Variants in SRA1 observed in about 807,000 individuals in gnomAD.
SRA1 encodes the protein steroid receptor RNA activator 1.
SRA1 carries 25 observed loss-of-function variants against 24.3 expected under a neutral mutation model. That is an observed-to-expected ratio of 1.03 (90% confidence interval 0.75 to 1.43). SRA1 has a LOEUF of 1.43. Ranked by LOEUF, SRA1 falls within the 40% of genes most tolerant of loss-of-function variation. The pLI, the probability that SRA1 is intolerant of heterozygous loss-of-function variation, is 0.00. For synonymous variants in SRA1, 104 were observed against 109.5 expected (o/e 0.95, Z 0.31); for missense variants, 303 against 286.6 (o/e 1.06, Z -0.41).
intron 3 of SRA1, chr5:140,551,484 G>C (rs1244510768): frequency 1.3e-5 from 4 of 296,600 alleles, no homozygotes; most frequent in Non-Finnish European, 2.5e-5. Context: ...GGGCTTCTCA[G>C]ACTCTCAGAA....
intron 2 of SRA1, among the ~76,000 whole-genome samples, chr5:140,554,744 G>C (rs934702347): frequency 6.6e-6 from 1 of 152,164 alleles, no homozygotes; most frequent in Non-Finnish European, 1.5e-5. Flanking sequence ...AGCAGCATTT[G>C]AGTGAGCTCT....
intron 2 of SRA1, among the ~76,000 whole-genome samples, chr5:140,554,948 G>A (rs1581398866): frequency 1.3e-5 from 2 of 151,636 alleles, no homozygotes; most frequent in Middle Eastern, 3.4e-3. Context: ...GTGCGATCTC[G>A]GCTCACTGCA....
Position 140,550,747 on chromosome 5 carries a change from T to C in SRA1, c.628A>G (p.Thr210Ala). Residue 210 changes from threonine to alanine, a missense_variant, in exon 5 of 5, where the codon ACA (threonine) becomes GCA (alanine). Transcript: ENST00000336283. ...GGTATGGTATGGTTCTTCTCAGCTG[T>C]GGCTGCAGATTTCTCTTCATTGGCT... ...EAANEEKSAATAEKNHTIPGF... is the reference protein window; with the variant it reads ...EAANEEKSAAAAEKNHTIPGF... 6.2e-7 allele frequency: 1 copy of C among 1,614,200 alleles called. No individual in the cohort carries two copies. The highest frequency in any genetic ancestry group is 8.5e-7 in the Non-Finnish European group (1 of 1,180,042).
In SRA1 at chr5:140,557,271, G is replaced by A; in HGVS notation, c.27C>T (p.Gly9=). Residue 9 remains glycine (G), a splice_region_variant and synonymous_variant, in exon 2 of 5, where the codon GGC becomes GGT. Transcript: ENST00000336283. MAELYVKP[G]NKERGWNDPP... ...GGTCGTTCCAGCCGCGTTCCTTGTT[G>A]CCTGCGGAGGCGAGGGATGTGTGAA... The A allele has an allele frequency of 1.9e-6, 3 of 1,611,080 alleles. No homozygotes were observed. Among genetic ancestry groups the A allele is most frequent in the Non-Finnish European group, 2.5e-6 (3 of 1,179,938 alleles).
At position 140,557,410 on chromosome 5, in the gene SRA1, C is replaced by T. The variant is rs774601225; in HGVS notation, c.25+18G>A. On this transcript the variant is annotated intron_variant, in intron 1 of 4. Coordinates refer to ENST00000336283, the MANE Select transcript of SRA1 (RefSeq NM_001035235.4). ...CCGGGGCGACAACCTAGTGCCCTAG[C>T]CCGCCGGCTGCGCTCACCCGGCTTC... 1 of 1,584,572 alleles carries T rather than the reference C, an allele frequency of 6.3e-7. No homozygotes were observed. The highest frequency in any genetic ancestry group is 8.6e-7 in the Non-Finnish European group (1 of 1,167,734).
At chr5:140,555,095 T>G (rs1258881082) in intron 2 of SRA1, among the ~76,000 whole-genome samples, 1 of 152,132 alleles carries the variant, frequency 6.6e-6, no homozygotes, top group Non-Finnish European at 1.5e-5. Flanking sequence ...GCCAGGCTGG[T>G]CTTGAACTCC....
At chr5:140,556,232 G>C (rs965315482) in intron 2 of SRA1, among the ~76,000 whole-genome samples, 3 of 152,108 alleles carry the variant, frequency 2.0e-5, no homozygotes, top group Non-Finnish European at 4.4e-5. Context: ...ACAGCAAAAA[G>C]GGTGTGGAGA....
At chr5:140,553,470 A>C (rs1412859458) in intron 2 of SRA1, among the ~76,000 whole-genome samples, 1 of 152,196 alleles carries the variant, frequency 6.6e-6, no homozygotes. Flanking sequence ...AGAAGCAGGA[A>C]AACTTTTGAT....
intron 2 of SRA1, among the ~76,000 whole-genome samples, chr5:140,556,349 C>A (rs1473487636): frequency 6.6e-6 from 1 of 152,102 alleles, no homozygotes; most frequent in Admixed American, 6.5e-5. Context: ...CTCTCCTCTA[C>A]TTTAAACTTT....
At chr5:140,551,243 C>T in intron 3 of SRA1, 74 bp from the exon 4 acceptor site, 1 of 1,152,214 alleles carries the variant, frequency 8.7e-7, no homozygotes, top group South Asian at 1.3e-5. Context: ...GACAGCACCA[C>T]ATAGGAAGCA....
intron 3 of SRA1, chr5:140,551,535 G>A (rs967148168): frequency 1.2e-4 from 26 of 223,224 alleles, no homozygotes; most frequent in African/African-American, 5.2e-4. Context: ...AAAACTAAGC[G>A]CCAAAGAGGT....
chr5:140,557,526 G>T (rs887515385), upstream of SRA1: 10 of 1,501,052 alleles, frequency 6.7e-6, no homozygotes, highest in African/African-American at 1.1e-4. Context: ...GTTGAGACAC[G>T]TCCAGGGCCA....
chr5:140,556,053 G>A (rs751176375), intron 2 of SRA1, among the ~76,000 whole-genome samples: 1 of 152,246 alleles, frequency 6.6e-6, no homozygotes, highest in African/African-American at 2.4e-5. Flanking sequence ...GCAAATGTCT[G>A]GAAACACTTT....
chr5:140,554,854 T>C (rs1754648970), intron 2 of SRA1, among the ~76,000 whole-genome samples: 1 of 152,138 alleles, frequency 6.6e-6, no homozygotes, highest in African/African-American at 2.4e-5. Flanking sequence ...TGATCACGAG[T>C]GACTGCTATG....
chr5:140,557,061 A>T, intron 2 of SRA1, 86 bp downstream of exon 2: 1 of 1,280,738 alleles, frequency 7.8e-7, no homozygotes, highest in Non-Finnish European at 1.1e-6. Flanking sequence ...CCTCGGGGAG[A>T]GAAAAAAGCC....
At chr5:140,556,423 C>T (rs948596206) in intron 2 of SRA1, among the ~76,000 whole-genome samples, 3 of 152,174 alleles carry the variant, frequency 2.0e-5, no homozygotes, top group Non-Finnish European at 4.4e-5. Flanking sequence ...ACAAAGCCCA[C>T]TATGCTGTAG....
rs756274204 is a variant in SRA1 at position 140,550,831 on chromosome 5, A to G, written c.544T>C (p.Trp182Arg). Residue 182 changes from tryptophan to arginine, a missense_variant, in exon 5 of 5, where the codon TGG becomes CGG. Coordinates refer to ENST00000336283, the MANE Select transcript of SRA1 (RefSeq NM_001035235.4). ...MVDHVTEVSQ[W>R]MVGVKRLIAE... Reference sequence around the variant, plus strand: ...ATTAATCTTTTAACTCCTACCATCCACTGACTGACCTCAGTCACATGGTCA... The same window carrying G: ...ATTAATCTTTTAACTCCTACCATCCGCTGACTGACCTCAGTCACATGGTCA... 1 of 1,614,070 alleles carries G rather than the reference A, an allele frequency of 6.2e-7. No individual in the cohort carries two copies. Among genetic ancestry groups the G allele is most frequent in the Non-Finnish European group, 8.5e-7 (1 of 1,179,982 alleles).
rs140505515 is a variant in SRA1 at position 140,552,032 on chromosome 5, C to A, written c.304G>T (p.Val102Leu). Residue 102 changes from valine (V) to leucine (L), a missense_variant, in exon 3 of 5, where the codon GTG becomes TTG. Coordinates refer to ENST00000336283, the MANE Select transcript of SRA1 (RefSeq NM_001035235.4). ...PVESEAVMEDVLRPLEQALED... is the reference protein window; with the variant it reads ...PVESEAVMEDLLRPLEQALED... ...AATGCCTGTTCCAAAGGTCTCAGCA[C>A]ATCCTCCATCACAGCCTCAGACTCG... 22 of 1,586,090 alleles carry A rather than the reference C, an allele frequency of 1.4e-5. No individual in the cohort carries two copies. Among genetic ancestry groups the A allele is most frequent in the Non-Finnish European group, 1.9e-5 (22 of 1,165,080 alleles).
In SRA1 at chr5:140,550,787, C is replaced by G; in HGVS notation, c.588G>C (p.Leu196=). 1 of 1,614,186 alleles carries G rather than the reference C, an allele frequency of 6.2e-7. No homozygotes were observed. Among genetic ancestry groups the G allele is most frequent in the Non-Finnish European group, 8.5e-7 (1 of 1,180,018 alleles). ...VKRLIAEKRS[L]FSEEAANEEK... is the part of the protein sequence containing the mutation. ...CTTCATTGGCTGCCTCCTCTGAAAACAGACTCCTCTTTTCTGCAATTAATC... is the reference window on the plus strand; with the variant it reads ...CTTCATTGGCTGCCTCCTCTGAAAAGAGACTCCTCTTTTCTGCAATTAATC... The change falls in exon 5 of 5, where the codon CTG becomes CTC. Residue 196 remains leucine (L), a synonymous_variant. Transcript: ENST00000336283.
Sources: allele counts gnomAD v4.1 joint callset (sites outside exome capture counted in the v4.1 genomes callset), GRCh38; gene constraint gnomAD v4.1.1; transcripts MANE v1.5; gene names NCBI Gene and HGNC (gene_info 2026-07-23, HGNC 2026-07-21).